The following NBAS variants were observed in gnomAD, a reference collection of about 807,000 sequenced individuals.
NBAS encodes NAG/BC035112 fusion.
Under a neutral mutation model 302.5 loss-of-function variants are expected in NBAS, and 219 were observed. The observed-to-expected ratio is 0.72, with a 90% CI of 0.65 to 0.81. The LOEUF is 0.81. NBAS is among the 30% of genes least tolerant of loss of function. The pLI is 0.00. For missense variants in NBAS, 2,932 were observed against 2,841.6 expected, an observed-to-expected ratio of 1.03 and a Z score of -0.72; for synonymous variants, 1,118 against 1,021.6, an observed-to-expected ratio of 1.09 and a Z score of -1.80.
At chr2:15,529,485 C>G (rs575590919) in intron 9 of NBAS, among the ~76,000 whole-genome samples, 2 of 152,024 alleles carry the variant, frequency 1.3e-5, no homozygotes, top group Non-Finnish European at 2.9e-5. Flanking sequence ...GAGTGAGACC[C>G]TCTCTCAAAT....
At chr2:15,380,184 C>A (rs1254779723) in intron 29 of NBAS, among the ~76,000 whole-genome samples, 1 of 152,188 alleles carries the variant, frequency 6.6e-6, no homozygotes. Flanking sequence ...GTCCCACTCT[C>A]AACAGGGCCC....
chr2:14,872,432 A>G, the NBAS span, among the ~76,000 whole-genome samples: 1 of 151,918 alleles, frequency 6.6e-6, no homozygotes, highest in Admixed American at 6.6e-5. Context: ...TCTTTTCTGC[A>G]ACCTCTGCCT....
rs1334340169 is a variant in NBAS at position 15,443,625 on chromosome 2, T to A, written c.2340-15831A>T. 4.0e-5 allele frequency among the ~76,000 whole-genome samples: 6 copies of A among 150,830 alleles called. No individual in the cohort carries two copies. In the East Asian group the frequency reaches 1.2e-3, roughly 30 times the overall value. On this transcript the variant is annotated intron_variant, in intron 21 of 51. Transcript: ENST00000281513. ...GGATGCCCTCTCTCACCACTCCTAT[T>A]CAACATAGTGTTGGAAGTTCTGGCC...
the NBAS span, among the ~76,000 whole-genome samples, chr2:15,000,132 C>T: frequency 6.6e-6 from 1 of 152,186 alleles, no homozygotes; most frequent in Non-Finnish European, 1.5e-5. Context: ...TATCAGGGCA[C>T]ATGTACATGT....
chr2:15,070,944 C>T, the NBAS span, among the ~76,000 whole-genome samples: 2 of 152,174 alleles, frequency 1.3e-5, no homozygotes, highest in Non-Finnish European at 2.9e-5. Context: ...AGCTCAAATT[C>T]TTCATTTTGC....
At chr2:14,825,577 C>T in the NBAS span, among the ~76,000 whole-genome samples, 1 of 152,168 alleles carries the variant, frequency 6.6e-6, no homozygotes, top group Non-Finnish European at 1.5e-5. Context: ...GCAATCCATT[C>T]ATTCATGCAA....
At chr2:15,438,499 A>G (rs551154692) in intron 21 of NBAS, among the ~76,000 whole-genome samples, 1 of 152,322 alleles carries the variant, frequency 6.6e-6, no homozygotes, top group South Asian at 2.1e-4. Flanking sequence ...GAATTAATCT[A>G]AAAAACTACC....
the NBAS span, among the ~76,000 whole-genome samples, chr2:15,035,098 T>G: frequency 6.6e-6 from 1 of 150,974 alleles, no homozygotes; most frequent in Non-Finnish European, 1.5e-5. Context: ...TGCTGATGAG[T>G]ATTTAAGGGA....
At chr2:15,344,213 G>A (rs1328020055) in intron 35 of NBAS, among the ~76,000 whole-genome samples, 1 of 151,636 alleles carries the variant, frequency 6.6e-6, no homozygotes, top group African/African-American at 2.4e-5. Context: ...TATAGGAATG[G>A]CTTTAATAAA....
At chr2:15,227,121 T>A (rs1351875594) in intron 47 of NBAS, among the ~76,000 whole-genome samples, 2 of 152,176 alleles carry the variant, frequency 1.3e-5, no homozygotes, top group African/African-American at 4.8e-5. Flanking sequence ...ATATTGAATT[T>A]TATGGAATGC....
intron 38 of NBAS, among the ~76,000 whole-genome samples, chr2:15,325,736 G>C (rs1672033930): frequency 6.6e-6 from 1 of 152,190 alleles, no homozygotes; most frequent in African/African-American, 2.4e-5. Context: ...GTGTTCACTG[G>C]AGTGGCACTT....
the NBAS span, among the ~76,000 whole-genome samples, chr2:15,066,590 A>G: frequency 6.6e-6 from 1 of 152,228 alleles, no homozygotes; most frequent in Non-Finnish European, 1.5e-5. Flanking sequence ...GTGAACCACA[A>G]GCACGTTTTT....
intron 36 of NBAS, among the ~76,000 whole-genome samples, chr2:15,328,736 A>C (rs1672189714): frequency 6.6e-6 from 1 of 152,224 alleles, no homozygotes; most frequent in Non-Finnish European, 1.5e-5. Flanking sequence ...AACAACCAAC[A>C]GCCGAACAAC....
At chr2:15,139,577 C>T in the NBAS span, among the ~76,000 whole-genome samples, 1 of 151,926 alleles carries the variant, frequency 6.6e-6, no homozygotes, top group Non-Finnish European at 1.5e-5. Context: ...AAATCCTTTA[C>T]AAAAATAACA....
the NBAS span, among the ~76,000 whole-genome samples, chr2:14,830,702 G>A: frequency 1.2e-4 from 19 of 152,108 alleles, no homozygotes; most frequent in African/African-American, 4.6e-4. Context: ...GTAGAGGGCA[G>A]CTTTGCATGA....
At chr2:15,552,793 AT>A (rs140817288) in intron 5 of NBAS, among the ~76,000 whole-genome samples, 2,474 of 129,336 alleles carry the variant, frequency 0.019, 43 homozygotes, top group East Asian at 0.054. Flanking sequence ...AAGCATACCT[AT>A]TTTTTTTTTT....
chr2:15,522,389 G>C (rs1282708385), intron 9 of NBAS, among the ~76,000 whole-genome samples: 1 of 152,134 alleles, frequency 6.6e-6, no homozygotes, highest in Admixed American at 6.6e-5. Flanking sequence ...TATACATCAA[G>C]ATATGGGAAT....
the NBAS span, among the ~76,000 whole-genome samples, chr2:15,141,701 T>C: frequency 6.6e-6 from 1 of 151,910 alleles, no homozygotes; most frequent in Admixed American, 6.6e-5. Context: ...TTTTGTTTTG[T>C]TTTTTGTTTT....
intron 50 of NBAS, 187 bp from the exon 51 acceptor site, chr2:15,179,303 CTG>C (rs1171859197): frequency 1.3e-6 from 1 of 773,908 alleles, no homozygotes; most frequent in Non-Finnish European, 2.1e-6. Context: ...TCACAGTAAA[CTG>C]TGTACAGATT....
Sources: gnomAD v4.1 joint callset for allele counts (sites outside exome capture counted in the v4.1 genomes callset) on GRCh38, gnomAD v4.1.1 for gene constraint, MANE v1.5 for transcripts, NCBI Gene and HGNC (gene_info 2026-07-23, HGNC 2026-07-21) for gene names.